Variants in ARID1B observed in about 807,000 individuals in gnomAD.
ARID1B encodes AT-rich interactive domain-containing protein 1B.
A neutral mutation model predicts 212.3 loss-of-function variants in ARID1B; 30 were observed. The ratio of observed to expected loss-of-function variants is 0.14; its 90% CI spans 0.11 to 0.19. ARID1B has a LOEUF of 0.19. Among genes scored for constraint, ARID1B ranks in the 10% least tolerant of loss-of-function variants. The pLI, the probability that ARID1B is intolerant of heterozygous loss-of-function variation, is 1.00. For missense variants in ARID1B, 2,891 were observed against 3,204.0 expected, an observed-to-expected ratio of 0.90 and a Z score of 2.36; for synonymous variants, 1,402 against 1,301.7, an observed-to-expected ratio of 1.08 and a Z score of -1.66.
intron 8 of ARID1B, among the ~76,000 whole-genome samples, chr6:157,163,487 T>C (rs1038058844): frequency 6.6e-6 from 1 of 152,168 alleles, no homozygotes; most frequent in Non-Finnish European, 1.5e-5. Flanking sequence ...CCAAGACTCT[T>C]GGCAGTAGTG....
intron 4 of ARID1B, among the ~76,000 whole-genome samples, chr6:157,079,283 C>T (rs1784488502): frequency 6.6e-6 from 1 of 152,004 alleles, no homozygotes; most frequent in Admixed American, 6.5e-5. Flanking sequence ...CATTTGCTGT[C>T]TAGACAAATG....
At chr6:157,184,157 G>A (rs750652520) in intron 12 of ARID1B, 74 bp from the exon 13 acceptor site, 21 of 1,365,948 alleles carry the variant, frequency 1.5e-5, no homozygotes, top group Non-Finnish European at 1.9e-5. Flanking sequence ...AAGACATTAA[G>A]TGCTTTTTTT....
intron 4 of ARID1B, among the ~76,000 whole-genome samples, chr6:157,035,927 T>C (rs1324543260): frequency 6.6e-6 from 1 of 152,208 alleles, no homozygotes; most frequent in Non-Finnish European, 1.5e-5. Flanking sequence ...ACAATTTTGT[T>C]TTATAGCAGG....
At chr6:157,061,569 A>G (rs1279060057) in intron 4 of ARID1B, among the ~76,000 whole-genome samples, 2 of 151,928 alleles carry the variant, frequency 1.3e-5, no homozygotes, top group African/African-American at 2.4e-5. Flanking sequence ...GGGTTGTCAG[A>G]TTTAGAAAAA....
Position 156,778,445 on chromosome 6 carries a change from C to G in ARID1B, c.765C>G (p.Asp255Glu), listed in dbSNP as rs1171803835. The G allele has an allele frequency of 7.1e-6, 10 of 1,407,612 alleles. No homozygotes were observed. Among genetic ancestry groups the G allele is most frequent in the South Asian group, 1.6e-5 (1 of 64,076 alleles). The allele number at this position is 1,407,612 out of a possible 1,614,324, so 87.2% of individuals were successfully genotyped here. Residue 255 changes from aspartate to glutamate, a missense_variant, in exon 1 of 20, where the codon GAC (aspartate) becomes GAG (glutamate). Asp to Glu is a conservative substitution (Grantham distance 45, BLOSUM62 2). This residue lies in a region of ARID1B where 1,643 missense variants were observed against 1,544.0 expected (regional missense o/e 1.06). Transcript: ENST00000636930. ...ACAGTGCTGCGGGCGGCCAGGCCGA[C>G]CCCCCGGGCCCGCCGCTGCTGAGCA... Reference protein sequence around the residue: ...AKDSAAGGQADPPGPPLLSKP... With the variant: ...AKDSAAGGQAEPPGPPLLSKP...
intron 9 of ARID1B, chr6:157,170,055 TC>T (rs961306279): frequency 4.5e-4 from 68 of 152,366 alleles, no homozygotes; most frequent in African/African-American, 1.5e-3. Context: ...CCTCTGGACT[TC>T]CTGCAGTGCT....
At chr6:157,052,872 AC>A (rs1401662045) in intron 4 of ARID1B, among the ~76,000 whole-genome samples, 1 of 148,034 alleles carries the variant, frequency 6.8e-6, no homozygotes, top group Non-Finnish European at 1.5e-5. Flanking sequence ...GGCACATGCC[AC>A]CATGCCCAAC....
rs568229424 is a variant in ARID1B, at chr6:156,829,186, A to G, written c.1792-41A>G. The G allele has an allele frequency of 2.0e-6, 3 of 1,535,046 alleles. No individual in the cohort carries two copies. The Admixed American group carries it at 5.6e-5, about 29-fold the overall frequency. On this transcript the variant is annotated intron_variant, in intron 1 of 19. Transcript: ENST00000636930. Reference sequence around the variant, plus strand: ...AACACAAATTTGTGCCTTTGTAATAAAGAATGAATTAATAAACCGACTTCT... The same window carrying G: ...AACACAAATTTGTGCCTTTGTAATAGAGAATGAATTAATAAACCGACTTCT...
chr6:156,863,326 A>T (rs918491203), intron 2 of ARID1B, among the ~76,000 whole-genome samples: 9 of 152,090 alleles, frequency 5.9e-5, no homozygotes, highest in Non-Finnish European at 1.0e-4. Context: ...CAGGACAGGG[A>T]AGTTGATTGC....
intron 1 of ARID1B, among the ~76,000 whole-genome samples, chr6:156,809,203 A>C (rs1330877297): frequency 6.6e-6 from 1 of 152,158 alleles, no homozygotes. Flanking sequence ...GTGTCTTACC[A>C]TGACTGACCT....
chr6:157,077,056 C>G (rs910522837), intron 4 of ARID1B, among the ~76,000 whole-genome samples: 9 of 152,168 alleles, frequency 5.9e-5, no homozygotes, highest in African/African-American at 1.7e-4. Flanking sequence ...TTCATTGATT[C>G]TCACATGGAC....
chr6:157,039,394 A>C (rs1317147740), intron 4 of ARID1B, among the ~76,000 whole-genome samples: 2 of 133,492 alleles, frequency 1.5e-5, no homozygotes, highest in South Asian at 2.2e-4. Flanking sequence ...GCAGTGGCGC[A>C]ATCTCGGCTC....
chr6:157,056,943 G>C (rs535755993), intron 4 of ARID1B, among the ~76,000 whole-genome samples: 1 of 149,908 alleles, frequency 6.7e-6, no homozygotes, highest in Non-Finnish European at 1.5e-5. Flanking sequence ...GTGCAGGTTT[G>C]TTGTGTAGGT....
intron 2 of ARID1B, among the ~76,000 whole-genome samples, chr6:156,851,395 T>G (rs780822569): frequency 2.6e-5 from 4 of 152,254 alleles, no homozygotes; most frequent in African/African-American, 9.6e-5. Flanking sequence ...GAAATAACAA[T>G]GAAGAGTACG....
chr6:157,174,709 T>C (rs1307649765), intron 10 of ARID1B, 138 bp from the exon 11 acceptor site: 93 of 272,060 alleles, frequency 3.4e-4, no homozygotes, highest in Non-Finnish European at 5.2e-5. Flanking sequence ...TGTTTGTTTG[T>C]ACATGTCTTT....
chr6:156,808,690 T>C (rs1243967311), intron 1 of ARID1B, among the ~76,000 whole-genome samples: 1 of 152,206 alleles, frequency 6.6e-6, no homozygotes, highest in Admixed American at 6.5e-5. Context: ...ACTATGAAAA[T>C]TGAAAATAAA....
At chr6:157,063,136 T>G (rs1189886997) in intron 4 of ARID1B, among the ~76,000 whole-genome samples, 1 of 152,122 alleles carries the variant, frequency 6.6e-6, no homozygotes, top group Non-Finnish European at 1.5e-5. Context: ...TTTTTTTCTT[T>G]TAAACATTTT....
intron 4 of ARID1B, among the ~76,000 whole-genome samples, chr6:157,035,607 T>C (rs945984571): frequency 2.0e-5 from 3 of 152,242 alleles, no homozygotes. Context: ...CTTACAATGA[T>C]TTTTTCTACT....
chr6:156,985,580 T>A (rs1410494274), intron 4 of ARID1B: 1 of 152,252 alleles, frequency 6.6e-6, no homozygotes, highest in African/African-American at 2.4e-5. Flanking sequence ...GGCTGTTTAT[T>A]TTTTGTTAAT....
Sources: gnomAD v4.1 joint callset for allele counts (sites outside exome capture counted in the v4.1 genomes callset) on GRCh38, gnomAD v4.1.1 for gene constraint, gnomAD v4.1.1 regional missense constraint, MANE v1.5 for transcripts, NCBI Gene and HGNC (gene_info 2026-07-23, HGNC 2026-07-21) for gene names.